Variants in ASTN2 observed in about 807,000 individuals in gnomAD.
The protein encoded by ASTN2 is astrotactin 2.
A neutral mutation model predicts 139.8 loss-of-function variants in ASTN2; 54 were observed. The ratio of observed to expected loss-of-function variants is 0.39; its 90% CI spans 0.31 to 0.48. The LOEUF is 0.48. Among genes scored for constraint, ASTN2 ranks in the 20% least tolerant of loss-of-function variants. ASTN2 has a pLI of 0.95. For missense variants in ASTN2, 1,565 were observed against 1,725.1 expected, an observed-to-expected ratio of 0.91 and a Z score of 1.64; for synonymous variants, 756 against 719.5, an observed-to-expected ratio of 1.05 and a Z score of -0.81.
At chr9:117,207,543 G>A (rs1432441925) in intron 3 of ASTN2, among the ~76,000 whole-genome samples, 1 of 152,154 alleles carries the variant, frequency 6.6e-6, no homozygotes, top group Non-Finnish European at 1.5e-5. Flanking sequence ...TAGACCAACT[G>A]AGCAAACTTA....
intron 13 of ASTN2, among the ~76,000 whole-genome samples, chr9:116,770,819 C>G (rs1829936144): frequency 6.6e-6 from 1 of 152,138 alleles, no homozygotes; most frequent in African/African-American, 2.4e-5. Context: ...GAGAAGGACT[C>G]TCTTGAGGGT....
intron 13 of ASTN2, among the ~76,000 whole-genome samples, chr9:116,805,375 T>C (rs186308055): frequency 6.6e-6 from 1 of 152,266 alleles, no homozygotes. Flanking sequence ...TATGATAATT[T>C]AAGATTGAAT....
At chr9:116,588,812 T>C (rs1458922436) in intron 19 of ASTN2, among the ~76,000 whole-genome samples, 1 of 152,166 alleles carries the variant, frequency 6.6e-6, no homozygotes, top group Non-Finnish European at 1.5e-5. Context: ...CACTTTTATA[T>C]GGGTAGCTGA....
intron 20 of ASTN2, among the ~76,000 whole-genome samples, chr9:116,478,622 C>A (rs1429774621): frequency 1.3e-5 from 2 of 152,160 alleles, no homozygotes; most frequent in Non-Finnish European, 2.9e-5. Context: ...GAATGAAATT[C>A]TTTCACCTGG....
intron 19 of ASTN2, among the ~76,000 whole-genome samples, chr9:116,586,837 C>CACACACACACAT (rs1554717130): frequency 2.7e-4 from 40 of 149,328 alleles, no homozygotes; most frequent in South Asian, 2.2e-3. Flanking sequence ...TACATACACA[C>CACACACACACAT]ACACACACAC....
At chr9:117,112,078 T>A (rs746379017) in intron 4 of ASTN2, among the ~76,000 whole-genome samples, 41 of 152,020 alleles carry the variant, frequency 2.7e-4, no homozygotes, top group Admixed American at 1.3e-3. Flanking sequence ...GTAATATGTT[T>A]AAGAAAAGGT....
chr9:116,657,248 T>C lies in ASTN2; in HGVS notation c.2807-5455A>G, dbSNP rs75484226. The stretch of plus-strand genomic sequence containing the variant: ...GCCTAACAATCAAAGTCCTGCATCA[T>C]TAGTGTGCCCTTTATAAATAATAGT... On this transcript the variant is annotated intron_variant, in intron 16 of 22. Transcript: ENST00000313400. Among the ~76,000 whole-genome samples the C allele has an allele frequency of 1.8e-4, 27 of 152,302 alleles. No individual in the cohort carries two copies. In the South Asian group the frequency reaches 2.1e-3, roughly 12 times the overall value.
At chr9:117,359,195 C>A (rs932966531) in intron 1 of ASTN2, among the ~76,000 whole-genome samples, 4 of 152,132 alleles carry the variant, frequency 2.6e-5, no homozygotes, top group Non-Finnish European at 5.9e-5. Context: ...TGCTCTTGAG[C>A]AAGCTGCTTC....
chr9:116,639,251 C>A (rs1857216750), intron 17 of ASTN2, among the ~76,000 whole-genome samples: 2 of 152,198 alleles, frequency 1.3e-5, no homozygotes, highest in South Asian at 2.1e-4. Context: ...AATCCACATT[C>A]TTTGTGGTCT....
At chr9:116,852,091 C>T (rs1832622938) in intron 11 of ASTN2, among the ~76,000 whole-genome samples, 1 of 152,122 alleles carries the variant, frequency 6.6e-6, no homozygotes, top group Non-Finnish European at 1.5e-5. Flanking sequence ...CCTGAAAAAT[C>T]ACCTTTCCCT....
rs533687160 is a variant in ASTN2 at position 116,695,947 on chromosome 9, A to C, written c.2806+29824T>G. 9.2e-5 allele frequency among the ~76,000 whole-genome samples: 14 copies of C among 151,950 alleles called. No individual in the cohort carries two copies. The South Asian group carries it at 2.9e-3, about 32-fold the overall frequency. On this transcript the variant is annotated intron_variant, in intron 16 of 22. Transcript: ENST00000313400. Reference sequence around the variant, plus strand: ...TCTTTGGCTATCTCTGCTCTTCACCACTCCCCCACCATAATCCACTCACCT... The same window carrying C: ...TCTTTGGCTATCTCTGCTCTTCACCCCTCCCCCACCATAATCCACTCACCT...
intron 16 of ASTN2, among the ~76,000 whole-genome samples, chr9:116,673,169 G>T (rs1477042581): frequency 6.6e-6 from 1 of 152,000 alleles, no homozygotes; most frequent in Admixed American, 6.6e-5. Flanking sequence ...CCAAAATTCT[G>T]GCCCCTATGC....
At chr9:117,033,666 T>C (rs936421545) in intron 6 of ASTN2, among the ~76,000 whole-genome samples, 1 of 152,024 alleles carries the variant, frequency 6.6e-6, no homozygotes, top group Non-Finnish European at 1.5e-5. Context: ...TCAAAATAAA[T>C]AATAATTATC....
chr9:117,413,137 G>A (rs1831216289), intron 1 of ASTN2, among the ~76,000 whole-genome samples: 1 of 152,270 alleles, frequency 6.6e-6, no homozygotes, highest in African/African-American at 2.4e-5. Flanking sequence ...GAGAACCACT[G>A]GCACTCGCTC....
At chr9:116,521,652 T>C (rs1850878149) in intron 19 of ASTN2, among the ~76,000 whole-genome samples, 1 of 151,996 alleles carries the variant, frequency 6.6e-6, no homozygotes, top group South Asian at 2.1e-4. Flanking sequence ...GATACATAAA[T>C]AGGACTTACT....
intron 19 of ASTN2, among the ~76,000 whole-genome samples, chr9:116,531,163 A>T (rs1280035247): frequency 6.6e-6 from 1 of 152,088 alleles, no homozygotes; most frequent in Non-Finnish European, 1.5e-5. Context: ...CTCTCTGTCG[A>T]TGGAAACACT....
intron 4 of ASTN2, among the ~76,000 whole-genome samples, chr9:117,096,481 A>C (rs1008487740): frequency 6.6e-6 from 1 of 152,202 alleles, no homozygotes; most frequent in African/African-American, 2.4e-5. Context: ...AATATATAAA[A>C]TACCTGGTCC....
chr9:117,193,669 A>C (rs1188964352), intron 3 of ASTN2, among the ~76,000 whole-genome samples: 1 of 151,858 alleles, frequency 6.6e-6, no homozygotes, highest in Non-Finnish European at 1.5e-5. Context: ...AAAAGAAAAG[A>C]AAATCATTTC....
At chr9:116,767,240 C>A (rs1266778280) in intron 13 of ASTN2, among the ~76,000 whole-genome samples, 2 of 152,136 alleles carry the variant, frequency 1.3e-5, no homozygotes, top group African/African-American at 4.8e-5. Flanking sequence ...CCCGCCCCTT[C>A]CCTGCCTGCC....
Sources: gnomAD v4.1 joint callset for allele counts (sites outside exome capture counted in the v4.1 genomes callset) on GRCh38, gnomAD v4.1.1 for gene constraint, MANE v1.5 for transcripts, NCBI Gene and HGNC (gene_info 2026-07-23, HGNC 2026-07-21) for gene names.